CTNNB1: variants seen among roughly 807,000 people sequenced by gnomAD.
The protein encoded by CTNNB1 is catenin beta 1.
A neutral mutation model predicts 82.5 loss-of-function variants in CTNNB1; 6 were observed. That is an observed-to-expected ratio of 0.07 (90% CI 0.04 to 0.14). The LOEUF (loss-of-function observed/expected upper bound fraction) is 0.14, where lower values mean the gene tolerates loss of function less well. CTNNB1 is among the 10% of genes least tolerant of loss of function. The probability of loss-of-function intolerance (pLI) is 1.00; values close to 1 mark genes in which losing one functional copy is unlikely to be tolerated. For synonymous variants in CTNNB1, 312 were observed against 329.7 expected (o/e 0.95, Z 0.58); for missense variants, 529 against 980.4 (o/e 0.54, Z 6.15).
At chr3:41,219,420 C>T (rs1222937679) in intron 1 of CTNNB1, among the ~76,000 whole-genome samples, 2 of 152,134 alleles carry the variant, frequency 1.3e-5, no homozygotes, top group East Asian at 3.9e-4. Flanking sequence ...CCTATATGTG[C>T]TATATCAATG....
intron 11 of CTNNB1, 196 bp downstream of exon 11, chr3:41,236,039 A>G (rs2078427875): frequency 2.7e-6 from 2 of 750,532 alleles, no homozygotes; most frequent in Admixed American, 2.4e-5. Context: ...TTTCACTTTT[A>G]TGGGTGCCTA....
intron 1 of CTNNB1, among the ~76,000 whole-genome samples, chr3:41,204,943 T>A (rs1249297858): frequency 6.6e-6 from 1 of 152,198 alleles, no homozygotes; most frequent in Non-Finnish European, 1.5e-5. Context: ...GATTAGGAGC[T>A]TAAAAGCAAG....
At chr3:41,210,451 T>A (rs1010553324) in intron 1 of CTNNB1, among the ~76,000 whole-genome samples, 1 of 151,780 alleles carries the variant, frequency 6.6e-6, no homozygotes, top group Admixed American at 6.5e-5. Context: ...GGAAACTCCG[T>A]CTCAAAAAAA....
intron 10 of CTNNB1, 140 bp from the exon 11 acceptor site, chr3:41,235,584 G>T: frequency 8.9e-7 from 1 of 1,119,790 alleles, no homozygotes. Flanking sequence ...TCAAGTTAAT[G>T]GAATCCTTCT....
At chr3:41,230,199 G>A (rs1286035705) in intron 7 of CTNNB1, among the ~76,000 whole-genome samples, 1 of 152,132 alleles carries the variant, frequency 6.6e-6, no homozygotes, top group Non-Finnish European at 1.5e-5. Context: ...AGACAAATGT[G>A]GCTGAGTTCA....
At chr3:41,209,699 T>A (rs555951698) in intron 1 of CTNNB1, among the ~76,000 whole-genome samples, 1 of 152,340 alleles carries the variant, frequency 6.6e-6, no homozygotes, top group South Asian at 2.1e-4. Flanking sequence ...TGTAGGTAAT[T>A]GTAACATAAA....
At chr3:41,222,724 C>T (rs1386284275) in intron 1 of CTNNB1, among the ~76,000 whole-genome samples, 9 of 152,108 alleles carry the variant, frequency 5.9e-5, no homozygotes, top group Admixed American at 1.3e-4. Flanking sequence ...TCCTGGAAGC[C>T]GGATGTATCA....
intron 1 of CTNNB1, among the ~76,000 whole-genome samples, chr3:41,222,528 G>A (rs2078074057): frequency 6.6e-6 from 1 of 152,194 alleles, no homozygotes; most frequent in Non-Finnish European, 1.5e-5. Flanking sequence ...ATGTTGGGAA[G>A]TCCCAGTGTA....
rs5743396 is a variant in CTNNB1 at position 41,233,930 on chromosome 3, T to C, written c.1524+63T>C. The stretch of plus-strand genomic sequence containing the variant: ...TTGAAAATGAAGCATCTCTAGCTGT[T>C]GGATGGCTGTCTAAGCATAGTGATC... On this transcript the variant is annotated intron_variant, in intron 9 of 14. Transcript: ENST00000349496. The C allele has an allele frequency of 5.6e-5, 87 of 1,550,590 alleles. No individual in the cohort carries two copies. In the African/African-American group the frequency reaches 1.1e-3, roughly 20 times the overall value.
In CTNNB1 at chr3:41,225,625, C is replaced by T. The variant is rs1251591180; in HGVS notation, c.735-35C>T. The T allele has an allele frequency of 2.5e-6, 4 of 1,613,654 alleles. No individual in the cohort carries two copies. Among genetic ancestry groups the T allele is most frequent in the Non-Finnish European group, 3.4e-6 (4 of 1,179,672 alleles). On this transcript the variant is annotated intron_variant, in intron 5 of 14. Coordinates refer to ENST00000349496, the MANE Select transcript of CTNNB1 (RefSeq NM_001904.4). The surrounding 1 kb of genome is among the most constrained non-coding windows in gnomAD (Gnocchi z 5.3). ...GCTAAAAAGTAGAAGAGTATACTCA[C>T]AATATTTCTGATGAGGCTTTTTTCT...
chr3:41,219,862 A>G (rs920540292), intron 1 of CTNNB1, among the ~76,000 whole-genome samples: 5 of 152,216 alleles, frequency 3.3e-5, no homozygotes, highest in African/African-American at 9.6e-5. Context: ...CATTGTTGGA[A>G]TAATAGACAA....
At chr3:41,230,252 A>G (rs1222188605) in intron 7 of CTNNB1, among the ~76,000 whole-genome samples, 1 of 152,212 alleles carries the variant, frequency 6.6e-6, no homozygotes, top group African/African-American at 2.4e-5. Context: ...CAGCTGTTCC[A>G]GCAGTAACCT....
chr3:41,199,957 C>CGGGGTGGGGGTG (rs1157698003), intron 1 of CTNNB1: 1 of 13,918 alleles, frequency 7.2e-5, no homozygotes, highest in East Asian at 2.8e-3. Context: ...GGATGGCAGG[C>CGGGGTGGGGGTG]GGGGTGGGGG....
rs2125644827 is a variant in CTNNB1, at chr3:41,235,785, G to C, written c.1745G>C (p.Arg582Pro). Reference sequence around the variant, plus strand: ...ACCGGAGCCCTTCACATCCTAGCTCGGGATGTTCACAACCGAATTGTTATC... The same window carrying C: ...ACCGGAGCCCTTCACATCCTAGCTCCGGATGTTCACAACCGAATTGTTATC... ...GCTGALHILARDVHNRIVIRG... is the reference protein window; with the variant it reads ...GCTGALHILAPDVHNRIVIRG... The change falls in exon 11 of 15, where the codon CGG becomes CCG. Residue 582 changes from arginine (R) to proline (P), a missense_variant. Arg to Pro is a moderately radical substitution (Grantham distance 103). Coordinates refer to ENST00000349496, the MANE Select transcript of CTNNB1 (RefSeq NM_001904.4). 1 of 1,613,794 alleles carries C rather than the reference G, an allele frequency of 6.2e-7. No individual in the cohort carries two copies. Among genetic ancestry groups the C allele is most frequent in the Non-Finnish European group, 8.5e-7 (1 of 1,179,734 alleles).
At chr3:41,217,780 T>G (rs895976539) in intron 1 of CTNNB1, among the ~76,000 whole-genome samples, 4 of 152,216 alleles carry the variant, frequency 2.6e-5, no homozygotes, top group Non-Finnish European at 5.9e-5. Context: ...TTTGTATATA[T>G]TCATTGCTCA....
chr3:41,210,796 C>CT (rs995844597), intron 1 of CTNNB1, among the ~76,000 whole-genome samples: 33 of 147,096 alleles, frequency 2.2e-4, no homozygotes, highest in Middle Eastern at 3.6e-3. Flanking sequence ...ATATGCTATA[C>CT]TTTTTTTTTT....
chr3:41,203,127 A>T (rs539868166), intron 1 of CTNNB1, among the ~76,000 whole-genome samples: 78 of 150,188 alleles, frequency 5.2e-4, no homozygotes, highest in Non-Finnish European at 6.9e-4. Context: ...GAAGCAGCAG[A>T]GTGAGTAGTG....
intron 11 of CTNNB1, 124 bp downstream of exon 11, chr3:41,235,967 C>A (rs2078425815): frequency 3.2e-6 from 4 of 1,258,332 alleles, no homozygotes; most frequent in South Asian, 1.2e-5. Flanking sequence ...TATGAAAATT[C>A]CCTACATTTT....
chr3:41,205,675 C>CAAGA (rs2077633264), intron 1 of CTNNB1, among the ~76,000 whole-genome samples: 1 of 151,006 alleles, frequency 6.6e-6, no homozygotes, highest in South Asian at 2.1e-4. Context: ...GACTCCATCT[C>CAAGA]AAGAAAGAAA....
Sources: gnomAD v4.1 joint callset for allele counts (sites outside exome capture counted in the v4.1 genomes callset) on GRCh38, gnomAD v4.1.1 for gene constraint, Gnocchi (gnomAD v3.1) non-coding constraint, MANE v1.5 for transcripts, NCBI Gene and HGNC (gene_info 2026-07-23, HGNC 2026-07-21) for gene names.